Variants in KCNN3 observed in about 807,000 individuals in gnomAD.
KCNN3 encodes the protein potassium calcium-activated channel subfamily N member 3.
Under a neutral mutation model 62.9 loss-of-function variants are expected in KCNN3, and 16 were observed. That is an observed-to-expected ratio of 0.25 (90% CI 0.17 to 0.39). The LOEUF (loss-of-function observed/expected upper bound fraction) is 0.39, where lower values mean the gene tolerates loss of function less well. KCNN3 is among the 10% of genes least tolerant of loss of function. The pLI, the probability that KCNN3 is intolerant of heterozygous loss-of-function variation, is 1.00. For synonymous variants in KCNN3, 370 were observed against 389.2 expected, an observed-to-expected ratio of 0.95 and a Z score of 0.58; for missense variants, 599 against 949.4, an observed-to-expected ratio of 0.63 and a Z score of 4.85.
intron 7 of KCNN3, among the ~76,000 whole-genome samples, chr1:154,709,920 G>A (rs1163802737): frequency 2.6e-5 from 4 of 152,352 alleles, no homozygotes; most frequent in South Asian, 4.1e-4. Flanking sequence ...CTGCCTGACC[G>A]TGGGATGGTC....
chr1:154,783,865 C>T (rs951430809), intron 2 of KCNN3, among the ~76,000 whole-genome samples: 2 of 152,190 alleles, frequency 1.3e-5, no homozygotes, highest in African/African-American at 4.8e-5. Flanking sequence ...ACCACCACCT[C>T]ACCCCTTCCC....
intron 3 of KCNN3, among the ~76,000 whole-genome samples, chr1:154,769,267 G>A (rs1424139278): frequency 6.6e-6 from 1 of 152,176 alleles, no homozygotes; most frequent in Non-Finnish European, 1.5e-5. Context: ...TAGCACAGGG[G>A]TGCAACAATA....
chr1:154,794,286 A>G (rs1218025229), intron 2 of KCNN3, among the ~76,000 whole-genome samples: 1 of 152,240 alleles, frequency 6.6e-6, no homozygotes, highest in Non-Finnish European at 1.5e-5. Flanking sequence ...GCTTGAGGAC[A>G]GAGACCATGT....
chr1:154,801,573 C>T (rs1649954842), intron 2 of KCNN3, among the ~76,000 whole-genome samples: 1 of 152,224 alleles, frequency 6.6e-6, no homozygotes, highest in Admixed American at 6.5e-5. Context: ...ATTTCTTATC[C>T]TTTATTCAGT....
intron 2 of KCNN3, among the ~76,000 whole-genome samples, chr1:154,789,539 A>G (rs2101860549): frequency 6.6e-6 from 1 of 152,150 alleles, no homozygotes; most frequent in South Asian, 2.1e-4. Flanking sequence ...TTTCTATTTT[A>G]CAGATTTGAA....
Position 154,701,206 on chromosome 1 carries a change from T to A in KCNN3, c.*6770A>T, listed in dbSNP as rs1297382728. On this transcript the variant is annotated 3_prime_UTR_variant, in exon 8 of 8. Coordinates refer to ENST00000271915, the MANE Select transcript of KCNN3 (RefSeq NM_002249.6). ...CTCATATAAATTGAAATTTGAAGGA[T>A]TCCAGCCTTTTCCCAGGAGAAAACT... 1.3e-5 allele frequency: 2 copies of A among 152,216 alleles called. No individual in the cohort carries two copies. The highest frequency in any genetic ancestry group is 2.9e-5 in the Non-Finnish European group (2 of 68,036). The allele number at this position is 152,216 out of a possible 1,614,324, so 9.4% of individuals were successfully genotyped here.
intron 3 of KCNN3, among the ~76,000 whole-genome samples, chr1:154,764,069 T>C (rs1648145738): frequency 6.6e-6 from 1 of 152,220 alleles, no homozygotes; most frequent in Non-Finnish European, 1.5e-5. Context: ...TGCTCTTCAT[T>C]TATTTTTGGG....
In KCNN3 at chr1:154,700,120, G is replaced by C. The variant is rs190820388; in HGVS notation, c.*7856C>G. On this transcript the variant is annotated 3_prime_UTR_variant, in exon 8 of 8. Coordinates refer to ENST00000271915, the MANE Select transcript of KCNN3 (RefSeq NM_002249.6). ...TTCTGTAAATGAGACTCAAGGAAGAGATAGCTTCATTCTCTAATTATTAAC... is the reference window on the plus strand; with the variant it reads ...TTCTGTAAATGAGACTCAAGGAAGACATAGCTTCATTCTCTAATTATTAAC... The C allele has an allele frequency of 1.3e-5, 2 of 152,306 alleles. No individual in the cohort carries two copies. The highest frequency in any genetic ancestry group is 6.5e-5 in the Admixed American group (1 of 15,290). The allele number at this position is 152,306 out of a possible 1,614,324, so 9.4% of individuals were successfully genotyped here. A position where few individuals can be genotyped will look rare whatever the true frequency, so the allele number is the denominator to read the frequency against.
At chr1:154,817,306 C>A (rs1215926445) in intron 2 of KCNN3, among the ~76,000 whole-genome samples, 2 of 152,180 alleles carry the variant, frequency 1.3e-5, no homozygotes, top group Admixed American at 6.5e-5. Context: ...GCACCACGAC[C>A]CCCTAGTCCC....
At chr1:154,773,308 C>T (rs547954218) in intron 2 of KCNN3, among the ~76,000 whole-genome samples, 85 of 152,356 alleles carry the variant, frequency 5.6e-4, no homozygotes, top group African/African-American at 1.8e-3. Flanking sequence ...ATGCGCCCTG[C>T]CCTTTGCTTC....
chr1:154,740,411 A>T (rs1700802265), intron 3 of KCNN3, among the ~76,000 whole-genome samples: 1 of 152,160 alleles, frequency 6.6e-6, no homozygotes, highest in African/African-American at 2.4e-5. Context: ...ACCTCCTGAA[A>T]TGTTGGGATT....
intron 2 of KCNN3, among the ~76,000 whole-genome samples, chr1:154,789,754 A>T (rs1649431319): frequency 6.6e-6 from 1 of 152,096 alleles, no homozygotes. Context: ...CCCTCCTGAC[A>T]TCCTAAGCCC....
At chr1:154,725,745 G>A (rs1406867813) in intron 5 of KCNN3, among the ~76,000 whole-genome samples, 171 bp downstream of exon 5, 5 of 151,996 alleles carry the variant, frequency 3.3e-5, no homozygotes, top group South Asian at 2.1e-4. Flanking sequence ...GGGTTTCAAC[G>A]TATTAGCCAG....
chr1:154,859,362 A>C (rs1571345485), intron 1 of KCNN3, among the ~76,000 whole-genome samples: 2 of 152,252 alleles, frequency 1.3e-5, no homozygotes, highest in African/African-American at 4.8e-5. Flanking sequence ...AGGAGCCACC[A>C]CTTGCTGGCA....
intron 1 of KCNN3, among the ~76,000 whole-genome samples, chr1:154,850,154 C>T (rs149920476): frequency 7.2e-5 from 11 of 152,310 alleles, no homozygotes; most frequent in African/African-American, 2.2e-4. Context: ...CAGAGCCAGG[C>T]GGCCCCACAG....
Position 154,826,067 on chromosome 1 carries a change from A to C in KCNN3, c.934-3883T>G, listed in dbSNP as rs201145331. On this transcript the variant is annotated intron_variant, in intron 1 of 7. Transcript: ENST00000271915. ...ATCTTAAAAAAAAACAAAAACAAAA[A>C]CAAAAACAAAAACAAAAACAAAAAA... Among the ~76,000 whole-genome samples the C allele has an allele frequency of 6.6e-4, 58 of 87,874 alleles. No homozygotes were observed. The East Asian group carries it at 7.6e-3, about 11-fold the overall frequency. The allele number at this position is 87,874 out of a possible 152,430, so 57.6% of individuals were successfully genotyped here.
chr1:154,791,973 A>G (rs967594001), intron 2 of KCNN3, among the ~76,000 whole-genome samples: 2 of 152,240 alleles, frequency 1.3e-5, no homozygotes, highest in Admixed American at 6.5e-5. Context: ...ACTGGCCAGG[A>G]AGATCGCAAA....
At chr1:154,794,897 G>C (rs1315474959) in intron 2 of KCNN3, among the ~76,000 whole-genome samples, 1 of 152,142 alleles carries the variant, frequency 6.6e-6, no homozygotes, top group African/African-American at 2.4e-5. Flanking sequence ...AGGAGGCAGG[G>C]AGCTCGTTTT....
In KCNN3 at chr1:154,829,785, A is replaced by G. The variant is rs373539100; in HGVS notation, c.934-7601T>C. On this transcript the variant is annotated intron_variant, in intron 1 of 7. Transcript: ENST00000271915. The stretch of plus-strand genomic sequence containing the variant: ...GGGAGCCATTACCTGCTTTAATAGT[A>G]CACAGGGTAACCTCAGCACCAGGAA... Among the ~76,000 whole-genome samples, 87 of 152,276 alleles carry G rather than the reference A, an allele frequency of 5.7e-4. 1 individual carries two copies. The South Asian group carries it at 0.017, about 30-fold the overall frequency.
Sources: allele counts gnomAD v4.1 joint callset (sites outside exome capture counted in the v4.1 genomes callset), GRCh38; gene constraint gnomAD v4.1.1; transcripts MANE v1.5; gene names NCBI Gene and HGNC (gene_info 2026-07-23, HGNC 2026-07-21).